Variants in ARL15 observed in about 807,000 individuals in gnomAD.
ARL15 encodes the protein ADP-ribosylation factor-like protein 15.
ARL15 carries 19 observed loss-of-function variants against 25.2 expected under a neutral mutation model. The ratio of observed to expected loss-of-function variants is 0.75; its 90% CI spans 0.53 to 1.10. The LOEUF is 1.10. Ranked by LOEUF, ARL15 falls within the 50% of genes least tolerant of loss-of-function variation. The pLI, the probability that ARL15 is intolerant of heterozygous loss-of-function variation, is 0.00. For synonymous variants in ARL15, 94 were observed against 86.8 expected (o/e 1.08, Z -0.46); for missense variants, 220 against 246.0 (o/e 0.89, Z 0.71).
intron 2 of ARL15, among the ~76,000 whole-genome samples, chr5:54,155,724 A>G (rs1754212519): frequency 6.6e-6 from 1 of 152,058 alleles, no homozygotes; most frequent in Admixed American, 6.6e-5. Context: ...ACATGCAAAT[A>G]TACACACAGA....
At chr5:54,007,180 A>G (rs1020788101) in intron 4 of ARL15, among the ~76,000 whole-genome samples, 5 of 151,284 alleles carry the variant, frequency 3.3e-5, no homozygotes, top group Admixed American at 1.3e-4. Context: ...AGTTTTTGAA[A>G]GAAGAGTAGC....
At chr5:53,975,971 T>C (rs1475854914) in intron 4 of ARL15, among the ~76,000 whole-genome samples, 1 of 152,222 alleles carries the variant, frequency 6.6e-6, no homozygotes, top group Non-Finnish European at 1.5e-5. Context: ...AGACTCATGA[T>C]ACCTTTAGGA....
chr5:54,128,893 G>C (rs948903084), intron 3 of ARL15, among the ~76,000 whole-genome samples: 2 of 151,792 alleles, frequency 1.3e-5, no homozygotes, highest in Non-Finnish European at 2.9e-5. Context: ...TTTTAGTAGA[G>C]ATGGGGTTTT....
intron 4 of ARL15, among the ~76,000 whole-genome samples, chr5:54,106,939 TC>T (rs1752605933): frequency 1.3e-5 from 2 of 152,174 alleles, no homozygotes; most frequent in South Asian, 4.1e-4. Flanking sequence ...CAAGACTACT[TC>T]CTGATGTAAT....
intron 3 of ARL15, among the ~76,000 whole-genome samples, chr5:54,147,753 A>G (rs1753953877): frequency 6.6e-6 from 1 of 152,216 alleles, no homozygotes; most frequent in Non-Finnish European, 1.5e-5. Context: ...TATACCAGCA[A>G]GAAATTTTTG....
At chr5:54,042,897 A>G (rs981139045) in intron 4 of ARL15, among the ~76,000 whole-genome samples, 6 of 151,950 alleles carry the variant, frequency 3.9e-5, no homozygotes, top group Non-Finnish European at 8.8e-5. Context: ...TCTCTTTTTC[A>G]TATATATAGA....
intron 4 of ARL15, among the ~76,000 whole-genome samples, chr5:53,987,845 G>T (rs987260252): frequency 9.2e-5 from 14 of 152,202 alleles, no homozygotes; most frequent in Admixed American, 3.3e-4. Flanking sequence ...GCTCATGCCT[G>T]TAATCCCAGC....
In ARL15 at chr5:53,991,567, G is replaced by C. The variant is rs1447156533; in HGVS notation, c.463-104854C>G. Among the ~76,000 whole-genome samples, 455 of 145,298 alleles carry C rather than the reference G, an allele frequency of 3.1e-3. 2 individuals carry two copies. Among genetic ancestry groups the C allele is most frequent in the African/African-American group, 0.011 (420 of 39,770 alleles). On this transcript the variant is annotated intron_variant, in intron 4 of 4. Transcript: ENST00000504924. ...CAAAAAAAAAAAAAAAAAAAGGGGG[G>C]GCGGGGGGCAATTGAAGCAATGAGT...
intron 4 of ARL15, among the ~76,000 whole-genome samples, chr5:54,043,618 A>C (rs1320273697): frequency 6.6e-6 from 1 of 152,138 alleles, no homozygotes; most frequent in Non-Finnish European, 1.5e-5. Context: ...GCCTCTCCAA[A>C]TGTCAGGCTA....
intron 1 of ARL15, among the ~76,000 whole-genome samples, chr5:54,215,810 GA>G (rs1756189694): frequency 6.6e-6 from 1 of 150,518 alleles, no homozygotes; most frequent in East Asian, 2.0e-4. Context: ...GGGGCTGGGG[GA>G]GTGGATTCAT....
At chr5:54,258,000 T>C (rs6450182) in intron 1 of ARL15, among the ~76,000 whole-genome samples, 20,931 of 151,924 alleles carry the variant, frequency 0.14, 2,547 homozygotes, top group African/African-American at 0.33. Flanking sequence ...AGTCATAGAA[T>C]CACACGGGCT....
intron 1 of ARL15, among the ~76,000 whole-genome samples, chr5:54,245,477 CT>C (rs1426706005): frequency 6.6e-6 from 1 of 152,178 alleles, no homozygotes. Context: ...GCTTGGTGAT[CT>C]GGACTCAGGT....
intron 4 of ARL15, among the ~76,000 whole-genome samples, chr5:53,892,933 G>A (rs977366746): frequency 2.0e-5 from 3 of 152,084 alleles, no homozygotes; most frequent in African/African-American, 7.2e-5. Context: ...TCTAGTAAAA[G>A]TATGGTCTTG....
rs905654625 is a variant in ARL15 at position 54,302,658 on chromosome 5, G to A, written c.48+7774C>T. Among the ~76,000 whole-genome samples the A allele has an allele frequency of 1.6e-4, 22 of 139,344 alleles. 1 individual carries two copies. The highest frequency in any genetic ancestry group is 1.3e-3 in the Admixed American group (17 of 13,528). 91.4% of individuals were successfully genotyped at this position (139,344 alleles called of 152,430 possible). Reference sequence around the variant, plus strand: ...GTGCGGCCCAGTGCAAAATGAAAACGCAAAGCACCTGTTCTAAAATTAAGA... The same window carrying A: ...GTGCGGCCCAGTGCAAAATGAAAACACAAAGCACCTGTTCTAAAATTAAGA... On this transcript the variant is annotated intron_variant, in intron 1 of 4. Transcript: ENST00000504924.
At chr5:54,279,502 T>C (rs1316880279) in intron 1 of ARL15, among the ~76,000 whole-genome samples, 1 of 152,144 alleles carries the variant, frequency 6.6e-6, no homozygotes, top group South Asian at 2.1e-4. Flanking sequence ...ATAAGAGTGC[T>C]AATCCCATCA....
chr5:53,998,769 A>C (rs1408535683), intron 4 of ARL15, among the ~76,000 whole-genome samples: 1 of 152,208 alleles, frequency 6.6e-6, no homozygotes, highest in Non-Finnish European at 1.5e-5. Flanking sequence ...CAGCAGTTAC[A>C]AAATGAAAAG....
chr5:54,009,182 C>T (rs1749149391), intron 4 of ARL15, among the ~76,000 whole-genome samples: 1 of 152,154 alleles, frequency 6.6e-6, no homozygotes, highest in Non-Finnish European at 1.5e-5. Flanking sequence ...GATCTCCCTG[C>T]ATTTCTGTGT....
chr5:53,926,797 A>G (rs1746041878), intron 4 of ARL15, among the ~76,000 whole-genome samples: 1 of 152,092 alleles, frequency 6.6e-6, no homozygotes, highest in Admixed American at 6.6e-5. Context: ...TTCTGTATGG[A>G]CCTATGAAAT....
intron 4 of ARL15, among the ~76,000 whole-genome samples, chr5:53,997,921 G>T (rs1057294735): frequency 2.0e-5 from 3 of 151,696 alleles, no homozygotes; most frequent in African/African-American, 7.3e-5. Flanking sequence ...ATTAGCAAAG[G>T]GTCTTTAAAA....
Sources: gnomAD v4.1 joint callset for allele counts (sites outside exome capture counted in the v4.1 genomes callset) on GRCh38, gnomAD v4.1.1 for gene constraint, MANE v1.5 for transcripts, NCBI Gene and HGNC (gene_info 2026-07-23, HGNC 2026-07-21) for gene names.